Variants in CTNND2 observed in about 807,000 individuals in gnomAD.
CTNND2 encodes catenin delta-2.
Under a neutral mutation model 144.4 loss-of-function variants are expected in CTNND2, and 22 were observed. That is an observed-to-expected ratio of 0.15 (90% confidence interval 0.11 to 0.22). The LOEUF (loss-of-function observed/expected upper bound fraction) is 0.22. Among genes scored for constraint, CTNND2 ranks in the 10% least tolerant of loss-of-function variants. CTNND2 has a pLI of 1.00. For missense variants in CTNND2, 1,353 were observed against 1,618.8 expected, an observed-to-expected ratio of 0.84 and a Z score of 2.82; for synonymous variants, 751 against 695.6, an observed-to-expected ratio of 1.08 and a Z score of -1.25.
chr5:11,120,317 T>C (rs1475561478), intron 12 of CTNND2, among the ~76,000 whole-genome samples: 1 of 148,602 alleles, frequency 6.7e-6, no homozygotes, highest in Admixed American at 6.7e-5. Flanking sequence ...TATCATACTG[T>C]CTGAAGGGGT....
At chr5:11,731,385 C>A (rs1787377657) in intron 2 of CTNND2, among the ~76,000 whole-genome samples, 1 of 152,154 alleles carries the variant, frequency 6.6e-6, no homozygotes, top group Admixed American at 6.5e-5. Flanking sequence ...AGGTAAGTTG[C>A]CAATTCAGCA....
intron 11 of CTNND2, among the ~76,000 whole-genome samples, chr5:11,181,848 GTGGATGTGTGTGTGTGT>G (rs540168318): frequency 0.35 from 45,309 of 127,890 alleles, 7,920 homozygotes; most frequent in Non-Finnish European, 0.39. Context: ...GCATGTGTGT[GTGGATGTGTGTGTGTGT>G]TATGTGTGGC....
intron 9 of CTNND2, among the ~76,000 whole-genome samples, chr5:11,329,086 C>T (rs1335972358): frequency 3.3e-5 from 5 of 152,318 alleles, no homozygotes; most frequent in Non-Finnish European, 7.3e-5. Context: ...ACACCTCTTC[C>T]TCTTCTTATA....
intron 11 of CTNND2, among the ~76,000 whole-genome samples, chr5:11,177,722 C>T (rs78875752): frequency 0.012 from 1,756 of 152,148 alleles, 10 homozygotes; most frequent in Non-Finnish European, 0.017. Context: ...AAATTTATAT[C>T]ATCCATCTAA....
intron 1 of CTNND2, among the ~76,000 whole-genome samples, chr5:11,812,132 A>G (rs1012812307): frequency 6.6e-6 from 1 of 152,200 alleles, no homozygotes; most frequent in Non-Finnish European, 1.5e-5. Flanking sequence ...TTACCTTTAA[A>G]AGGAGAGAAA....
At chr5:11,619,862 T>A (rs1780751521) in intron 2 of CTNND2, among the ~76,000 whole-genome samples, 2 of 152,162 alleles carry the variant, frequency 1.3e-5, no homozygotes, top group South Asian at 4.1e-4. Flanking sequence ...GCATCCAGAT[T>A]GGTGGGTATT....
intron 1 of CTNND2, among the ~76,000 whole-genome samples, chr5:11,896,201 A>G (rs967784565): frequency 6.6e-6 from 1 of 152,190 alleles, no homozygotes; most frequent in Non-Finnish European, 1.5e-5. Context: ...TGATGTAAGT[A>G]AATAATGTTA....
chr5:11,582,763 A>G (rs1778535005), intron 2 of CTNND2, among the ~76,000 whole-genome samples: 1 of 152,234 alleles, frequency 6.6e-6, no homozygotes, highest in Admixed American at 6.5e-5. Context: ...CATCATATGG[A>G]GCCTGGACCA....
chr5:11,192,951 G>C (rs943008221), intron 11 of CTNND2, among the ~76,000 whole-genome samples: 2 of 152,164 alleles, frequency 1.3e-5, no homozygotes, highest in Admixed American at 6.5e-5. Context: ...TTTCCCTTAG[G>C]GGGTCACAAT....
At chr5:11,589,090 G>T (rs1246652127) in intron 2 of CTNND2, 2 of 952,508 alleles carry the variant, frequency 2.1e-6, no homozygotes, top group Admixed American at 6.2e-5. Flanking sequence ...AAAGAGAAAA[G>T]AATAGAGTTC....
chr5:11,812,892 A>G (rs1792415943), intron 1 of CTNND2, among the ~76,000 whole-genome samples: 2 of 152,128 alleles, frequency 1.3e-5, no homozygotes, highest in African/African-American at 4.8e-5. Flanking sequence ...ATGTCAAACA[A>G]AAAATTCCCA....
At chr5:11,551,101 T>G (rs750137020) in intron 3 of CTNND2, among the ~76,000 whole-genome samples, 12 of 152,264 alleles carry the variant, frequency 7.9e-5, no homozygotes, top group Non-Finnish European at 1.6e-4. Flanking sequence ...GGACACTCTA[T>G]TGCCTACTCA....
intron 7 of CTNND2, among the ~76,000 whole-genome samples, chr5:11,365,764 G>A (rs952556503): frequency 6.6e-6 from 1 of 152,186 alleles, no homozygotes; most frequent in African/African-American, 2.4e-5. Flanking sequence ...CAGGAAAGAG[G>A]ACGTTGATTG....
At chr5:11,276,417 C>T (rs1360961900) in intron 9 of CTNND2, among the ~76,000 whole-genome samples, 1 of 152,330 alleles carries the variant, frequency 6.6e-6, no homozygotes, top group Non-Finnish European at 1.5e-5. Context: ...TTTCCTCCTA[C>T]TTCCCAGGCC....
chr5:11,825,082 G>T (rs1793527864), intron 1 of CTNND2, among the ~76,000 whole-genome samples: 1 of 151,956 alleles, frequency 6.6e-6, no homozygotes, highest in East Asian at 1.9e-4. Context: ...CTTTGATTTT[G>T]CTGTTCTTCC....
chr5:11,202,924 C>A (rs953937016), intron 10 of CTNND2, among the ~76,000 whole-genome samples: 21 of 152,298 alleles, frequency 1.4e-4, no homozygotes, highest in South Asian at 8.3e-4. Context: ...CCTTTCTCAG[C>A]CTCCCGAGTA....
rs572870909 is a variant in CTNND2, at chr5:11,366,056, A to T, written c.1178-1166T>A. 5.3e-5 allele frequency among the ~76,000 whole-genome samples: 8 copies of T among 152,282 alleles called. No individual in the cohort carries two copies. In the South Asian group the frequency reaches 1.7e-3, roughly 32 times the overall value. Reference sequence around the variant, plus strand: ...CAGCCTCTCTATTCCGGACTAACATATCAGGGTGCTGGGATTCCTTGATCT... The same window carrying T: ...CAGCCTCTCTATTCCGGACTAACATTTCAGGGTGCTGGGATTCCTTGATCT... On this transcript the variant is annotated intron_variant, in intron 7 of 21. Transcript: ENST00000304623.
chr5:11,574,404 C>T (rs925199166), intron 2 of CTNND2, among the ~76,000 whole-genome samples: 20 of 152,014 alleles, frequency 1.3e-4, no homozygotes, highest in Non-Finnish European at 2.2e-4. Flanking sequence ...AGCGGTCTAA[C>T]CCACACTAAC....
At chr5:11,869,618 T>C (rs1795931409) in intron 1 of CTNND2, among the ~76,000 whole-genome samples, 1 of 152,192 alleles carries the variant, frequency 6.6e-6, no homozygotes, top group Non-Finnish European at 1.5e-5. Context: ...AGAGCTGCTA[T>C]TCGAAATAAT....
Sources: gnomAD v4.1 joint callset for allele counts (sites outside exome capture counted in the v4.1 genomes callset) on GRCh38, gnomAD v4.1.1 for gene constraint, MANE v1.5 for transcripts, NCBI Gene and HGNC (gene_info 2026-07-23, HGNC 2026-07-21) for gene names.